Variants in TIAM1 observed in about 807,000 individuals in gnomAD.
The protein encoded by TIAM1 is rho guanine nucleotide exchange factor TIAM1.
Under a neutral mutation model 163.5 loss-of-function variants are expected in TIAM1, and 65 were observed. That is an observed-to-expected ratio of 0.40 (90% CI 0.33 to 0.49). The LOEUF is 0.49. TIAM1 is among the 20% of genes least tolerant of loss of function. The pLI is 0.77. For synonymous variants in TIAM1, 833 were observed against 810.1 expected, an observed-to-expected ratio of 1.03 and a Z score of -0.48; for missense variants, 1,789 against 2,044.7, an observed-to-expected ratio of 0.87 and a Z score of 2.41.
chr21:31,375,559 AT>A (rs3216555), intron 2 of TIAM1, among the ~76,000 whole-genome samples: 103,657 of 151,942 alleles, frequency 0.68, 36,043 homozygotes, highest in African/African-American at 0.82. Flanking sequence ...CAACAACTTT[AT>A]TTTTTATCAC....
intron 1 of TIAM1, among the ~76,000 whole-genome samples, chr21:31,489,581 C>A (rs894249641): frequency 3.4e-5 from 5 of 145,146 alleles, no homozygotes; most frequent in East Asian, 2.0e-4. Flanking sequence ...ACCCCCCCCC[C>A]CTTGGCAGAT....
intron 8 of TIAM1, among the ~76,000 whole-genome samples, chr21:31,222,697 ATATATATATATTTTTTTTTT>A (rs1174414695): frequency 2.7e-5 from 1 of 36,508 alleles, no homozygotes; most frequent in African/African-American, 1.6e-4. Context: ...ATATATATAT[ATATATATATATTTTTTTTTT>A]TTTTTTTTTT....
chr21:31,425,567 T>C (rs975097348), intron 2 of TIAM1, among the ~76,000 whole-genome samples: 53 of 151,750 alleles, frequency 3.5e-4, no homozygotes, highest in Non-Finnish European at 6.6e-4. Context: ...TCCTACATGA[T>C]GCTGGTCCAG....
chr21:31,179,553 A>C (rs1224319621), intron 15 of TIAM1, among the ~76,000 whole-genome samples: 2 of 151,938 alleles, frequency 1.3e-5, no homozygotes, highest in Non-Finnish European at 2.9e-5. Flanking sequence ...ATTGAAAAAA[A>C]AAAAAAACCT....
chr21:31,474,951 G>A (rs1356352684), intron 1 of TIAM1, among the ~76,000 whole-genome samples: 1 of 151,922 alleles, frequency 6.6e-6, no homozygotes, highest in Non-Finnish European at 1.5e-5. Context: ...GGTGAAATGG[G>A]AAGATAATTG....
intron 2 of TIAM1, among the ~76,000 whole-genome samples, chr21:31,338,458 A>T (rs994487764): frequency 5.3e-5 from 8 of 152,192 alleles, no homozygotes; most frequent in Non-Finnish European, 1.0e-4. Flanking sequence ...GGCAAAGTTG[A>T]AAAGAACAAG....
rs1279053911 is a variant in TIAM1, at chr21:31,394,728, T to TCTCTCTCTCA, written c.-368-55307_-368-55306insTGAGAGAGAG. Among the ~76,000 whole-genome samples the TCTCTCTCTCA allele has an allele frequency of 4.0e-3, 386 of 95,680 alleles. 3 individuals carry two copies. Among genetic ancestry groups the TCTCTCTCTCA allele is most frequent in the African/African-American group, 9.0e-3 (219 of 24,258 alleles). 62.8% of individuals were successfully genotyped at this position (95,680 alleles called of 152,430 possible). On this transcript the variant is annotated intron_variant, in intron 2 of 28. Coordinates refer to the TIAM1 transcript ENST00000286827. The stretch of plus-strand genomic sequence containing the variant: ...CTCTCGCTCTCTCTCTCTCTCTCTC[T>TCTCTCTCTCA]CACACACACACACACACACACACAC...
intron 2 of TIAM1, among the ~76,000 whole-genome samples, chr21:31,370,225 T>C (rs962749853): frequency 2.6e-5 from 4 of 152,210 alleles, no homozygotes; most frequent in African/African-American, 9.7e-5. Context: ...GTATGGGTGT[T>C]ATTTGGATCA....
upstream of TIAM1, among the ~76,000 whole-genome samples, chr21:31,346,622 A>C (rs2076152607): frequency 6.6e-6 from 1 of 152,236 alleles, no homozygotes; most frequent in African/African-American, 2.4e-5. Flanking sequence ...ACTGAGACAA[A>C]GCAGCCCCAT....
chr21:31,214,617 C>A (rs1420466068), intron 9 of TIAM1, among the ~76,000 whole-genome samples: 1 of 151,922 alleles, frequency 6.6e-6, no homozygotes. Context: ...ATCCTGCTAA[C>A]TTAAAGATGC....
At chr21:31,239,800 A>G (rs2071072752) in intron 6 of TIAM1, among the ~76,000 whole-genome samples, 1 of 152,224 alleles carries the variant, frequency 6.6e-6, no homozygotes, top group African/African-American at 2.4e-5. Flanking sequence ...TTTCATATTA[A>G]TATCTTAAAA....
intron 4 of TIAM1, among the ~76,000 whole-genome samples, chr21:31,256,630 T>TACACACACAA (rs1569115880): frequency 6.7e-5 from 10 of 149,024 alleles, no homozygotes; most frequent in Non-Finnish European, 8.9e-5. Flanking sequence ...CACACACACG[T>TACACACACAA]ATATTATCTT....
At chr21:31,298,188 G>C (rs8133975) in intron 2 of TIAM1, among the ~76,000 whole-genome samples, 1 of 151,974 alleles carries the variant, frequency 6.6e-6, no homozygotes, top group South Asian at 2.1e-4. Context: ...ACTTCACTCC[G>C]CCACCCTGCC....
At chr21:31,287,579 G>A (rs2073858724) in intron 2 of TIAM1, among the ~76,000 whole-genome samples, 1 of 152,176 alleles carries the variant, frequency 6.6e-6, no homozygotes, top group Admixed American at 6.5e-5. Flanking sequence ...TTAGGAGGAT[G>A]AGAGGAAATG....
chr21:31,296,127 G>A (rs1004543941), intron 2 of TIAM1, among the ~76,000 whole-genome samples: 2 of 152,102 alleles, frequency 1.3e-5, no homozygotes, highest in Non-Finnish European at 2.9e-5. Flanking sequence ...TGGATTTGAT[G>A]ATTATTCAGG....
At chr21:31,133,370 T>A (rs974105561) in intron 23 of TIAM1, among the ~76,000 whole-genome samples, 2 of 152,194 alleles carry the variant, frequency 1.3e-5, no homozygotes, top group Non-Finnish European at 2.9e-5. Context: ...ACAGCCCCTA[T>A]TGAGTTTGCT....
intron 2 of TIAM1, among the ~76,000 whole-genome samples, chr21:31,434,369 C>T (rs1020516382): frequency 3.3e-5 from 5 of 152,130 alleles, no homozygotes; most frequent in African/African-American, 1.2e-4. Context: ...GGCTGCTAGG[C>T]CTTAGCACAG....
chr21:31,202,723 A>G (rs1018772304), intron 12 of TIAM1, among the ~76,000 whole-genome samples, 185 bp downstream of exon 12: 1 of 152,240 alleles, frequency 6.6e-6, no homozygotes, highest in African/African-American at 2.4e-5. Context: ...TGCGTAAACA[A>G]AGGTGATCAT....
At chr21:31,185,539 C>T (rs2085254031) in intron 14 of TIAM1, among the ~76,000 whole-genome samples, 1 of 133,168 alleles carries the variant, frequency 7.5e-6, no homozygotes, top group African/African-American at 2.8e-5. Flanking sequence ...ATATATTATG[C>T]CATTATATAT....
Sources: gnomAD v4.1 joint callset for allele counts (sites outside exome capture counted in the v4.1 genomes callset) on GRCh38, gnomAD v4.1.1 for gene constraint, MANE v1.5 for transcripts, NCBI Gene and HGNC (gene_info 2026-07-23, HGNC 2026-07-21) for gene names.